Variants in WDR45B observed in about 807,000 individuals in gnomAD.
The protein encoded by WDR45B is WD repeat domain phosphoinositide-interacting protein 3.
Under a neutral mutation model 44.6 loss-of-function variants are expected in WDR45B, and 20 were observed. The ratio of observed to expected loss-of-function variants is 0.45; its 90% CI spans 0.32 to 0.65. The LOEUF (loss-of-function observed/expected upper bound fraction) is 0.65. WDR45B is among the 30% of genes least tolerant of loss of function. The pLI is 0.05. For missense variants in WDR45B, 323 were observed against 430.2 expected, an observed-to-expected ratio of 0.75 and a Z score of 2.20; for synonymous variants, 169 against 164.9, an observed-to-expected ratio of 1.02 and a Z score of -0.19.
chr17:82,629,850 C>A, intron 3 of WDR45B: 1 of 985,344 alleles, frequency 1.0e-6, no homozygotes, highest in Non-Finnish European at 1.2e-6. Flanking sequence ...TACGTGATAT[C>A]ACCCAGATCC....
At chr17:82,638,322 G>A (rs2045866886) in intron 2 of WDR45B, among the ~76,000 whole-genome samples, 1 of 147,022 alleles carries the variant, frequency 6.8e-6, no homozygotes, top group African/African-American at 2.6e-5. Flanking sequence ...GGAAGGTGGG[G>A]TGGTGGTGGG....
chr17:82,628,247 C>T (rs916856202), intron 3 of WDR45B, among the ~76,000 whole-genome samples: 25 of 152,352 alleles, frequency 1.6e-4, no homozygotes, highest in African/African-American at 5.8e-4. Context: ...CCCACCTCAA[C>T]TTCCCAAAGT....
intron 1 of WDR45B, among the ~76,000 whole-genome samples, chr17:82,647,353 G>A (rs945857581): frequency 2.0e-5 from 3 of 152,228 alleles, no homozygotes; most frequent in Non-Finnish European, 4.4e-5. Context: ...CGGAATAACG[G>A]ACATTCCTTT....
chr17:82,631,136 G>C (rs901680354), intron 2 of WDR45B, 114 bp from the exon 3 acceptor site: 8 of 1,024,484 alleles, frequency 7.8e-6, no homozygotes, highest in Middle Eastern at 2.5e-4. Flanking sequence ...TTTTTTGTAA[G>C]AGACAAGATC....
chr17:82,643,827 G>A (rs924962069), intron 2 of WDR45B, 122 bp downstream of exon 2: 6 of 914,382 alleles, frequency 6.6e-6, no homozygotes, highest in South Asian at 4.2e-5. Flanking sequence ...TTTATGAGGG[G>A]CCATGAACCC....
Position 82,621,704 on chromosome 17 carries a change from C to T in WDR45B, c.523G>A (p.Glu175Lys). ...GCAGGAATGTCCACGGGTGGCTTCT[C>T]CGTGCTGGCCAGGTCCACAAGCTGC... ...HVQLVDLAST[E>K]KPPVDIPAHE... The change falls in exon 6 of 10, where the codon GAG (glutamate) becomes AAG (lysine). Residue 175 changes from glutamate to lysine, a missense_variant. By Grantham distance (56) the Glu-to-Lys change is moderately conservative. Coordinates refer to ENST00000392325, the MANE Select transcript of WDR45B (RefSeq NM_019613.4). 1 of 1,614,202 alleles carries T rather than the reference C, an allele frequency of 6.2e-7. No homozygotes were observed. The highest frequency in any genetic ancestry group is 8.5e-7 in the Non-Finnish European group (1 of 1,180,030).
At chr17:82,645,911 AG>A (rs1467349469) in intron 1 of WDR45B, among the ~76,000 whole-genome samples, 1 of 151,750 alleles carries the variant, frequency 6.6e-6, no homozygotes, top group East Asian at 1.9e-4. Context: ...TCACAGGGTC[AG>A]GAGATCAAGA....
rs1350951621 is a variant in WDR45B at position 82,630,829 on chromosome 17, G to GA, written c.244+91dup. 1.6e-5 allele frequency: 20 copies of GA among 1,270,284 alleles called. No homozygotes were observed. In the East Asian group the frequency reaches 4.7e-4, roughly 30 times the overall value. 78.7% of individuals were successfully genotyped at this position (1,270,284 alleles called of 1,614,324 possible). ...CTGGATATTTCACAGAACTACTAGGGAAAATCACACATGGCCACAAACATA... is the reference window on the plus strand; with the variant it reads ...CTGGATATTTCACAGAACTACTAGGGAAAAATCACACATGGCCACAAACATA... On this transcript the variant is annotated intron_variant, in intron 3 of 9. Transcript: ENST00000392325.
intron 3 of WDR45B, among the ~76,000 whole-genome samples, chr17:82,630,613 C>G (rs1221075072): frequency 6.6e-6 from 1 of 152,128 alleles, no homozygotes; most frequent in Admixed American, 6.6e-5. Flanking sequence ...AAAAAAAATC[C>G]TTCTACCTTG....
intron 7 of WDR45B, among the ~76,000 whole-genome samples, 172 bp downstream of exon 7, chr17:82,618,871 T>C (rs578249375): frequency 1.3e-5 from 2 of 152,308 alleles, no homozygotes; most frequent in South Asian, 4.1e-4. Flanking sequence ...AACTTAAAGT[T>C]AATCACAATT....
intron 3 of WDR45B, among the ~76,000 whole-genome samples, 178 bp from the exon 4 acceptor site, chr17:82,627,469 A>G (rs2045713717): frequency 6.6e-6 from 1 of 152,216 alleles, no homozygotes. Flanking sequence ...TCAAACCGTG[A>G]GCTGTGCCAG....
At chr17:82,622,090 T>C (rs2045627006) in intron 5 of WDR45B, among the ~76,000 whole-genome samples, 1 of 152,034 alleles carries the variant, frequency 6.6e-6, no homozygotes. Context: ...TTAACGACTT[T>C]ACCAACTGTC....
intron 6 of WDR45B, among the ~76,000 whole-genome samples, 163 bp from the exon 7 acceptor site, chr17:82,619,291 T>G (rs2045581411): frequency 6.6e-6 from 1 of 152,192 alleles, no homozygotes; most frequent in Non-Finnish European, 1.5e-5. Context: ...AGCACACAGT[T>G]GTGCCCCTGA....
intron 2 of WDR45B, among the ~76,000 whole-genome samples, chr17:82,641,142 T>C (rs2143371251): frequency 6.6e-6 from 1 of 152,150 alleles, no homozygotes; most frequent in Admixed American, 6.5e-5. Flanking sequence ...ACTTTTTGTA[T>C]TTGTAGTAGA....
In WDR45B at chr17:82,621,813, G is replaced by A. The variant is rs182415787; in HGVS notation, c.428-14C>T. On this transcript the variant is annotated splice_polypyrimidine_tract_variant and intron_variant, in intron 5 of 9. Coordinates refer to ENST00000392325, the MANE Select transcript of WDR45B (RefSeq NM_019613.4). ...GGACACAGAGGCCTGCGTGGAGACA[G>A]AGGACACCAATCAAGAACTGCCTTT... 8.1e-6 allele frequency: 13 copies of A among 1,613,828 alleles called. No homozygotes were observed. The East Asian group carries it at 2.5e-4, about 30-fold the overall frequency.
chr17:82,627,994 T>C (rs2045720991), intron 3 of WDR45B, among the ~76,000 whole-genome samples: 2 of 152,214 alleles, frequency 1.3e-5, no homozygotes, highest in Non-Finnish European at 2.9e-5. Flanking sequence ...TCTTCCTCTT[T>C]TTCTGTTTTT....
At chr17:82,618,171 C>G (rs1469442621) in intron 7 of WDR45B, among the ~76,000 whole-genome samples, 1 of 152,208 alleles carries the variant, frequency 6.6e-6, no homozygotes, top group Non-Finnish European at 1.5e-5. Flanking sequence ...CTCAGGTGAT[C>G]CACCTGCCTC....
At chr17:82,641,132 AC>A (rs1306516125) in intron 2 of WDR45B, among the ~76,000 whole-genome samples, 1 of 151,804 alleles carries the variant, frequency 6.6e-6, no homozygotes, top group East Asian at 1.9e-4. Flanking sequence ...CGCCTGGCTA[AC>A]TTTTTGTATT....
rs199660056 is a variant in WDR45B at position 82,632,168 on chromosome 17, C to CT, written c.143-1147dup. On this transcript the variant is annotated intron_variant, in intron 2 of 9. Transcript: ENST00000392325. The stretch of plus-strand genomic sequence containing the variant: ...AAAGCTGAGTGACTTTTATCATTTC[C>CT]TTTTTTTTTAAGAAACAGGGTCTTG... Among the ~76,000 whole-genome samples, 1,348 of 151,184 alleles carry CT rather than the reference C, an allele frequency of 8.9e-3. 10 individuals are homozygous for CT. Among genetic ancestry groups the CT allele is most frequent in the South Asian group, 0.031 (145 of 4,740 alleles).
Sources: gnomAD v4.1 joint callset for allele counts (sites outside exome capture counted in the v4.1 genomes callset) on GRCh38, gnomAD v4.1.1 for gene constraint, MANE v1.5 for transcripts, NCBI Gene and HGNC (gene_info 2026-07-23, HGNC 2026-07-21) for gene names.